The following HLCS variants were observed in gnomAD, a reference collection of about 807,000 sequenced individuals.
HLCS encodes the protein holocarboxylase synthetase.
HLCS carries 53 observed loss-of-function variants against 75.0 expected under a neutral mutation model. That is an observed-to-expected ratio of 0.71 (90% CI 0.57 to 0.89). The LOEUF is 0.89. Ranked by LOEUF, HLCS falls within the 40% of genes least tolerant of loss-of-function variation. HLCS has a pLI of 0.00. For synonymous variants in HLCS, 431 were observed against 428.6 expected, an observed-to-expected ratio of 1.01 and a Z score of -0.07; for missense variants, 966 against 1,074.0, an observed-to-expected ratio of 0.90 and a Z score of 1.41.
rs770721106 is a variant in HLCS, at chr21:36,764,977, C to A, written c.2121+35G>T. On this transcript the variant is annotated intron_variant, in intron 8 of 10. Transcript: ENST00000674895. ...AGAATAAGCCAGATTCTGCATGCAT[C>A]CCAGGGACATAGAAGGAGACTGAAC... The A allele has an allele frequency of 4.3e-6, 7 of 1,610,478 alleles. No homozygotes were observed. The Admixed American group carries it at 1.2e-4, about 27-fold the overall frequency.
At chr21:36,878,581 A>C (rs2146261532) in intron 6 of HLCS, among the ~76,000 whole-genome samples, 1 of 152,302 alleles carries the variant, frequency 6.6e-6, no homozygotes, top group Admixed American at 6.5e-5. Context: ...TACTGCCCAC[A>C]ATATACACAT....
intron 6 of HLCS, among the ~76,000 whole-genome samples, chr21:36,778,172 T>C (rs1177423204): frequency 2.0e-5 from 3 of 152,158 alleles, no homozygotes; most frequent in African/African-American, 4.8e-5. Context: ...GGTTTCACCA[T>C]GTTAGCCAGG....
At position 36,783,225 on chromosome 21, in the gene HLCS, G is replaced by C. The variant is rs2060586261; in HGVS notation, c.1893-15940C>G. On this transcript the variant is annotated intron_variant, in intron 6 of 10. Transcript: ENST00000674895. ...ATCGCCTGCAGTTTTAAAACACAAA[G>C]CAAAAACAAACTGATGCTAAGACCC... 2.6e-5 allele frequency among the ~76,000 whole-genome samples: 4 copies of C among 152,028 alleles called. No homozygotes were observed. In the South Asian group the frequency reaches 8.3e-4, roughly 32 times the overall value.
At chr21:36,929,419 G>T (rs2066539073) in intron 5 of HLCS, among the ~76,000 whole-genome samples, 1 of 152,244 alleles carries the variant, frequency 6.6e-6, no homozygotes, top group Non-Finnish European at 1.5e-5. Context: ...ATAGCTCATA[G>T]CTCTGCTCTC....
intron 6 of HLCS, among the ~76,000 whole-genome samples, chr21:36,768,809 G>A (rs530106524): frequency 7.9e-5 from 12 of 152,340 alleles, no homozygotes; most frequent in Admixed American, 2.6e-4. Flanking sequence ...AGAAGAAAGC[G>A]TCCTTTTCTT....
intron 6 of HLCS, among the ~76,000 whole-genome samples, chr21:36,822,466 T>C (rs1328123386): frequency 6.6e-6 from 1 of 152,166 alleles, no homozygotes; most frequent in Non-Finnish European, 1.5e-5. Context: ...TCTAATCTAA[T>C]GGATGACACA....
At chr21:36,853,992 G>A (rs1433461721) in intron 6 of HLCS, among the ~76,000 whole-genome samples, 1 of 152,048 alleles carries the variant, frequency 6.6e-6, no homozygotes, top group African/African-American at 2.4e-5. Context: ...TGTTCTATGG[G>A]GAAGAATGGA....
chr21:36,896,424 C>A, intron 6 of HLCS: 1 of 219,158 alleles, frequency 4.6e-6, no homozygotes, highest in East Asian at 1.1e-4. Flanking sequence ...AAGCTCTGAC[C>A]TTTTTCAATT....
intron 6 of HLCS, among the ~76,000 whole-genome samples, chr21:36,819,366 C>T (rs1239843941): frequency 2.6e-5 from 4 of 152,186 alleles, no homozygotes; most frequent in South Asian, 2.1e-4. Flanking sequence ...TTTGTTTCCA[C>T]GCTTCATAAT....
chr21:36,843,417 G>A (rs528437708), intron 6 of HLCS, among the ~76,000 whole-genome samples: 2 of 152,008 alleles, frequency 1.3e-5, no homozygotes, highest in Non-Finnish European at 2.9e-5. Context: ...TAGCCTGGGC[G>A]ACAGAGAGAG....
At chr21:36,923,227 G>A (rs1276949888) in intron 5 of HLCS, among the ~76,000 whole-genome samples, 3 of 152,158 alleles carry the variant, frequency 2.0e-5, no homozygotes, top group South Asian at 2.1e-4. Context: ...AGCCTCCACC[G>A]ACTTCCCTGG....
chr21:36,852,965 G>A (rs1273339807), intron 6 of HLCS, among the ~76,000 whole-genome samples: 1 of 152,162 alleles, frequency 6.6e-6, no homozygotes, highest in Non-Finnish European at 1.5e-5. Context: ...ACAGAAGAAG[G>A]AGAAGGAGGG....
At position 36,816,164 on chromosome 21, in the gene HLCS, C is replaced by T. The variant is rs139746952; in HGVS notation, c.1893-48879G>A. Among the ~76,000 whole-genome samples the T allele has an allele frequency of 7.7e-3, 1,178 of 152,234 alleles. 6 individuals are homozygous for T. Among genetic ancestry groups the T allele is most frequent in the African/African-American group, 0.027 (1,111 of 41,532 alleles). ...ATACTACTCTTAGCCTCAGTTTTTA[C>T]ATCCATAAAAAGGGATCAATAAAAG... On this transcript the variant is annotated intron_variant, in intron 6 of 10. Transcript: ENST00000674895.
chr21:36,833,502 T>C (rs751481241), intron 6 of HLCS, among the ~76,000 whole-genome samples: 55 of 151,368 alleles, frequency 3.6e-4, no homozygotes, highest in Non-Finnish European at 3.4e-4. Context: ...GGAGAATTGC[T>C]TGAACCTGGG....
chr21:36,794,769 G>C (rs761773022), intron 6 of HLCS, among the ~76,000 whole-genome samples: 30 of 152,136 alleles, frequency 2.0e-4, no homozygotes, highest in Non-Finnish European at 3.8e-4. Flanking sequence ...CATTTTGAAA[G>C]TGGAACAAAG....
intron 5 of HLCS, among the ~76,000 whole-genome samples, chr21:36,923,236 G>A (rs913945207): frequency 3.3e-5 from 5 of 152,192 alleles, no homozygotes; most frequent in South Asian, 2.1e-4. Context: ...CGACTTCCCT[G>A]GGAGGTGAGG....
intron 6 of HLCS, among the ~76,000 whole-genome samples, chr21:36,771,297 T>G (rs984160141): frequency 6.6e-6 from 1 of 152,080 alleles, no homozygotes; most frequent in South Asian, 2.1e-4. Context: ...TTATTTGCAG[T>G]ACCCATTTCA....
At chr21:36,904,589 A>G (rs2065372549) in intron 5 of HLCS, among the ~76,000 whole-genome samples, 1 of 152,204 alleles carries the variant, frequency 6.6e-6, no homozygotes, top group South Asian at 2.1e-4. Flanking sequence ...CACTATAGTC[A>G]AATACATTTT....
At chr21:36,985,703 T>C (rs958388219) in intron 1 of HLCS, among the ~76,000 whole-genome samples, 2 of 151,334 alleles carry the variant, frequency 1.3e-5, no homozygotes, top group African/African-American at 4.9e-5. Flanking sequence ...GAGGTGGAGG[T>C]TGCAGTGAGC....
Sources: gnomAD v4.1 joint callset for allele counts (sites outside exome capture counted in the v4.1 genomes callset) on GRCh38, gnomAD v4.1.1 for gene constraint, MANE v1.5 for transcripts, NCBI Gene and HGNC (gene_info 2026-07-23, HGNC 2026-07-21) for gene names.